PFKFB1: variants seen among roughly 807,000 people sequenced by gnomAD.
PFKFB1 encodes 6-phosphofructo-2-kinase/fructose-2,6-biphosphatase 1.
In PFKFB1, 34 loss-of-function variants were observed where a neutral mutation model predicts 46.4. That is an observed-to-expected ratio of 0.73 (90% CI 0.56 to 0.98). The LOEUF (loss-of-function observed/expected upper bound fraction) is 0.98. PFKFB1 is among the 50% of genes least tolerant of loss of function. The pLI, the probability that PFKFB1 is intolerant of heterozygous loss-of-function variation, is 0.00. For missense variants in PFKFB1, 393 were observed against 376.3 expected, an observed-to-expected ratio of 1.04 and a Z score of -0.37; for synonymous variants, 119 against 133.8, an observed-to-expected ratio of 0.89 and a Z score of 0.76.
rs773225724 is a variant in PFKFB1, at chrX:54,937,607, C to A, written c.1216G>T (p.Asp406Tyr). Residue 406 changes from aspartate to tyrosine, a missense_variant, in exon 11 of 14, where the codon GAT becomes TAT. Asp to Tyr is a radical substitution (Grantham distance 160, BLOSUM62 -3). Coordinates refer to ENST00000375006, the MANE Select transcript of PFKFB1 (RefSeq NM_002625.4). Reference sequence around the variant, plus strand: ...ATGAGGGTAGTACCTGAACTTTTATCCAGGAAATAGGCCAGGAGGCACCGC... The same window carrying A: ...ATGAGGGTAGTACCTGAACTTTTATACAGGAAATAGGCCAGGAGGCACCGC... The part of the protein sequence containing the change: ...VMRCLLAYFL[D>Y]KSSDELPYLK... 8.3e-7 allele frequency: 1 copy of A among 1,209,939 alleles called. No individual in the cohort carries two copies. The highest frequency in any genetic ancestry group is 1.1e-6 in the Non-Finnish European group (1 of 894,128).
intron 1 of PFKFB1, among the ~76,000 whole-genome samples, chrX:54,964,547 T>C (rs985068061): frequency 3.6e-5 from 4 of 111,945 alleles, no homozygotes; most frequent in African/African-American, 1.3e-4. Flanking sequence ...CTTTCTTTTT[T>C]TACATTATAG....
chrX:54,935,059 A>G (rs1281410608), intron 11 of PFKFB1, 50 bp from the exon 12 acceptor site: 3 of 986,122 alleles, frequency 3.0e-6, no homozygotes, highest in Non-Finnish European at 4.3e-6. Context: ...TGGCCAGGAC[A>G]CAGCCTCCCC....
chrX:54,956,812 C>T (rs925133345), intron 6 of PFKFB1, among the ~76,000 whole-genome samples: 2 of 110,111 alleles, frequency 1.8e-5, no homozygotes, highest in Admixed American at 9.8e-5. Context: ...GTCTTTCTAT[C>T]ATCCCTCACC....
At position 54,960,828 on chromosome X, in the gene PFKFB1, T is replaced by A. The variant is rs770352304; in HGVS notation, c.313A>T (p.Arg105Trp). The A allele has an allele frequency of 8.6e-7, 1 of 1,168,516 alleles. No individual in the cohort carries two copies. The highest frequency in any genetic ancestry group is 1.8e-5 in the African/African-American group (1 of 56,803). The change falls in exon 3 of 14, where the codon AGG (arginine) becomes TGG (tryptophan). Residue 105 changes from arginine (R) to tryptophan (W), a missense_variant. Physicochemically the swap from Arg to Trp is moderately radical, Grantham distance 101. Coordinates refer to ENST00000375006, the MANE Select transcript of PFKFB1 (RefSeq NM_002625.4). ...LPDNMEALQIRKQCALAALKD... is the reference protein window; with the variant it reads ...LPDNMEALQIWKQCALAALKD... ...CCTAAAATATTGGGTACTTACTTCC[T>A]GATTTGCAGGGCTTCCATGTTGTCT...
rs747386480 is a variant in PFKFB1, at chrX:54,951,915, C to T, written c.836G>A (p.Arg279His). ...RIGGDSGLSV[R>H]GKQYAYALAN... ...TGTGGCCCACCCTACCTGCTTGCCG[C>T]GAACTGAGAGGCCAGAGTCACCTCC... The change falls in exon 8 of 14, where the codon CGC becomes CAC. Residue 279 changes from arginine (R) to histidine (H), a missense_variant. By Grantham distance (29) the Arg-to-His change is conservative. Transcript: ENST00000375006. 284 of 1,196,352 alleles carry T rather than the reference C, an allele frequency of 2.4e-4. No individual in the cohort carries two copies. Among genetic ancestry groups the T allele is most frequent in the South Asian group, 1.1e-3 (58 of 54,781 alleles).
Position 54,945,966 on chromosome X carries a change from T to C in PFKFB1, c.994-423A>G, listed in dbSNP as rs955340701. On this transcript the variant is annotated intron_variant, in intron 9 of 13. Transcript: ENST00000375006. ...TGTACTTGTGGTATGTTTAAAGACT[T>C]ATGCCTTGTGTTTGTGTATTTGTCT... Among the ~76,000 whole-genome samples the C allele has an allele frequency of 6.4e-5, 7 of 109,011 alleles. No homozygotes were observed. In the Admixed American group the frequency reaches 6.9e-4, roughly 11 times the overall value. The allele number at this position is 109,011 out of a possible 115,157, so 94.7% of individuals were successfully genotyped here.
At chrX:54,981,838 C>T (rs1273580954) in intron 1 of PFKFB1, among the ~76,000 whole-genome samples, 1 of 111,276 alleles carries the variant, frequency 9.0e-6, no homozygotes, top group East Asian at 2.8e-4. Context: ...AATGACTTTT[C>T]TGGGACCCAT....
intron 9 of PFKFB1, among the ~76,000 whole-genome samples, 178 bp from the exon 10 acceptor site, chrX:54,945,721 CGTGTGTGTGTGTGTGTGTGT>C (rs779266579): frequency 1.1e-5 from 1 of 88,702 alleles, no homozygotes; most frequent in Non-Finnish European, 2.2e-5. Flanking sequence ...TGTGTGTGTG[CGTGTGTGTGTGTGTGTGTGT>C]GTGAGGTGTG....
At chrX:54,976,804 G>A (rs903205764) in intron 1 of PFKFB1, among the ~76,000 whole-genome samples, 2 of 111,060 alleles carry the variant, frequency 1.8e-5, no homozygotes, top group East Asian at 5.6e-4. Context: ...AATACCATAC[G>A]GCAATTAAGA....
At chrX:54,939,408 G>T (rs1171677099) in intron 10 of PFKFB1, among the ~76,000 whole-genome samples, 1 of 111,826 alleles carries the variant, frequency 8.9e-6, no homozygotes, top group Admixed American at 9.5e-5. Flanking sequence ...AGAACTGAAG[G>T]AGATAGAGAC....
intron 1 of PFKFB1, among the ~76,000 whole-genome samples, chrX:54,981,944 G>A (rs745517891): frequency 9.0e-6 from 1 of 111,339 alleles, no homozygotes; most frequent in Non-Finnish European, 1.9e-5. Context: ...TGCTTATCTC[G>A]TGCGGAAAGC....
chrX:54,950,546 T>G (rs982405199), intron 8 of PFKFB1, among the ~76,000 whole-genome samples: 2 of 111,882 alleles, frequency 1.8e-5, no homozygotes, highest in African/African-American at 6.5e-5. Flanking sequence ...GCTGTGTGCA[T>G]GCACACACAC....
intron 10 of PFKFB1, among the ~76,000 whole-genome samples, chrX:54,943,970 C>T (rs772142001): frequency 9.1e-6 from 1 of 110,367 alleles, no homozygotes; most frequent in African/African-American, 3.3e-5. Flanking sequence ...CAAGTTTGAC[C>T]TAAAATACAA....
chrX:54,959,027 T>C, intron 4 of PFKFB1, 102 bp from the exon 5 acceptor site: 1 of 531,216 alleles, frequency 1.9e-6, no homozygotes, highest in Admixed American at 2.7e-5. Context: ...CATATGGAGG[T>C]AGAACTTGAA....
At chrX:54,997,287 T>A (rs1484202868), upstream of PFKFB1, among the ~76,000 whole-genome samples, 2 of 111,420 alleles carry the variant, frequency 1.8e-5, no homozygotes, top group Non-Finnish European at 3.8e-5. Flanking sequence ...CAGAAACAGA[T>A]AAAAGAATGA....
chrX:54,950,848 C>A (rs1357039449), intron 8 of PFKFB1, among the ~76,000 whole-genome samples: 2 of 112,652 alleles, frequency 1.8e-5, no homozygotes, highest in South Asian at 7.3e-4. Context: ...GCACCTCCCC[C>A]CATCTCCAGT....
At chrX:54,956,323 T>C in intron 6 of PFKFB1, 49 bp from the exon 7 acceptor site, 1 of 1,197,332 alleles carries the variant, frequency 8.4e-7, no homozygotes, top group Non-Finnish European at 1.1e-6. Flanking sequence ...GGGAGACAGA[T>C]GGTTTTCTTT....
chrX:54,994,854 G>A (rs752582484), upstream of PFKFB1: 19 of 752,503 alleles, frequency 2.5e-5, no homozygotes, highest in Admixed American at 8.7e-5. Flanking sequence ...TGACACCTTT[G>A]GAAGAGTGCA....
At chrX:54,965,806 T>C (rs1279868376) in intron 1 of PFKFB1, among the ~76,000 whole-genome samples, 1 of 111,506 alleles carries the variant, frequency 9.0e-6, no homozygotes, top group Admixed American at 9.6e-5. Flanking sequence ...GGGATAGTCT[T>C]GTACTACACA....
Sources: gnomAD v4.1 joint callset for allele counts (sites outside exome capture counted in the v4.1 genomes callset) on GRCh38, gnomAD v4.1.1 for gene constraint, MANE v1.5 for transcripts, NCBI Gene and HGNC (gene_info 2026-07-23, HGNC 2026-07-21) for gene names.